Variants in PAX4 observed in about 807,000 individuals in gnomAD.
PAX4 encodes paired box 4, also known as paired box protein Pax-4.
Under a neutral mutation model 40.6 loss-of-function variants are expected in PAX4, and 33 were observed. That is an observed-to-expected ratio of 0.81 (90% CI 0.62 to 1.09). The LOEUF is 1.09. Ranked by LOEUF, PAX4 falls within the 50% of genes least tolerant of loss-of-function variation. The probability of loss-of-function intolerance (pLI) is 0.00; values close to 1 mark genes in which losing one functional copy is unlikely to be tolerated. For missense variants in PAX4, 459 were observed against 442.5 expected (o/e 1.04, Z -0.33); for synonymous variants, 174 against 170.6 (o/e 1.02, Z -0.16).
intron 9 of PAX4, 70 bp downstream of exon 9, chr7:127,612,952 G>C (rs1329549861): frequency 1.6e-5 from 18 of 1,122,296 alleles, no homozygotes; most frequent in African/African-American, 4.6e-5. Context: ...TGGATGGATG[G>C]ATGGATGGAT....
intron 6 of PAX4, 89 bp from the exon 7 acceptor site, chr7:127,613,970 G>T: frequency 6.7e-7 from 1 of 1,490,468 alleles, no homozygotes; most frequent in East Asian, 2.3e-5. Context: ...CTGCAGCCGG[G>T]AGACACCATG....
intron 2 of PAX4, among the ~76,000 whole-genome samples, chr7:127,616,966 T>C (rs751236837): frequency 2.6e-5 from 4 of 152,180 alleles, no homozygotes; most frequent in Non-Finnish European, 4.4e-5. Context: ...CTTTCATGCC[T>C]GGAACCCTGG....
Position 127,616,017 on chromosome 7 carries a change from G to T in PAX4, c.-89C>A, listed in dbSNP as rs181513994. ...CTTCTAGGAGCTCCTTTTCCAGCTT[G>T]GGGGCTGGCTCTGCAATAATGGGGG... On this transcript the variant is annotated 5_prime_UTR_variant, in exon 3 of 12. Coordinates refer to ENST00000639438, the MANE Select transcript of PAX4 (RefSeq NM_001366110.1). 1,851 of 1,450,298 alleles carry T rather than the reference G, an allele frequency of 1.3e-3. 5 individuals are homozygous for T. The highest frequency in any genetic ancestry group is 1.5e-3 in the Non-Finnish European group (1,640 of 1,070,340). The allele number at this position is 1,450,298 out of a possible 1,614,324, so 89.8% of individuals were successfully genotyped here.
rs553243873 is a variant in PAX4 at position 127,618,018 on chromosome 7, C to T, written c.-282G>A. 1.3e-5 allele frequency: 2 copies of T among 152,380 alleles called. No individual in the cohort carries two copies. Among genetic ancestry groups the T allele is most frequent in the Admixed American group, 6.5e-5 (1 of 15,302 alleles). 9.4% of individuals were successfully genotyped at this position (152,380 alleles called of 1,614,324 possible). A position where few individuals can be genotyped will look rare whatever the true frequency, so the allele number is the denominator to read the frequency against. The stretch of plus-strand genomic sequence containing the variant: ...TGGGAGGTCTCAGCTTCTGAGACCC[C>T]TGCAGGCTCCAGGGGTGGTGATGAT... On this transcript the variant is annotated 5_prime_UTR_variant, in exon 1 of 12. Coordinates refer to ENST00000639438, the MANE Select transcript of PAX4 (RefSeq NM_001366110.1).
intron 2 of PAX4, 64 bp from the exon 3 acceptor site, chr7:127,616,091 T>G: frequency 1.3e-6 from 1 of 773,366 alleles, no homozygotes; most frequent in Non-Finnish European, 2.0e-6. Flanking sequence ...GAGGTAGTGT[T>G]TTGTGATAGA....
At position 127,611,545 on chromosome 7, in the gene PAX4, C is replaced by G; in HGVS notation, c.903G>C (p.Lys301Asn). 1 of 1,613,756 alleles carries G rather than the reference C, an allele frequency of 6.2e-7. No homozygotes were observed. The highest frequency in any genetic ancestry group is 8.5e-7 in the Non-Finnish European group (1 of 1,179,850). Reference protein sequence around the residue: ...LSDTPPKACLKPCWGHLPPQP... With the variant: ...LSDTPPKACLNPCWGHLPPQP... ...GGCCTGAATTCTTACCCCAGCAGGG[C>G]TTGAGACAGGCTTTAGGTGGGGTGT... Residue 301 changes from lysine to asparagine, a missense_variant, in exon 11 of 12, where the codon AAG (lysine) becomes AAC (asparagine). Transcript: ENST00000639438.
chr7:127,611,340 C>G, intron 11 of PAX4, 134 bp from the exon 12 acceptor site: 2 of 1,323,898 alleles, frequency 1.5e-6, no homozygotes, highest in Non-Finnish European at 2.1e-6. Context: ...ACATCCTTTA[C>G]CTGCTATGGC....
At position 127,611,575 on chromosome 7, in the gene PAX4, C is replaced by G. The variant is rs1445567946; in HGVS notation, c.873G>C (p.Leu291=). The G allele has an allele frequency of 1.2e-6, 2 of 1,613,646 alleles. No individual in the cohort carries two copies. The highest frequency in any genetic ancestry group is 1.3e-5 in the African/African-American group (1 of 74,860). ...LCWATAPERC[L]SDTPPKACLK... is the part of the protein sequence containing the mutation. ...GACAGGCTTTAGGTGGGGTGTCACT[C>G]AGACACCTTTCTGGTGCTGTTGCCC... is the stretch of plus-strand genomic sequence containing the variant. Residue 291 remains leucine (L), a synonymous_variant, in exon 11 of 12, where the codon CTG becomes CTC. Transcript: ENST00000639438.
In PAX4 at chr7:127,610,525, A is replaced by G. The variant is rs1203357580; in HGVS notation, c.*539T>C. On this transcript the variant is annotated 3_prime_UTR_variant, in exon 12 of 12. Transcript: ENST00000639438. ...GATGCATGCTGGAAGATTTAGGAATAAAATGCCATGATATAATGTCAGTGT... is the reference window on the plus strand; with the variant it reads ...GATGCATGCTGGAAGATTTAGGAATGAAATGCCATGATATAATGTCAGTGT... The G allele has an allele frequency of 9.2e-6, 2 of 217,436 alleles. No individual in the cohort carries two copies. Among genetic ancestry groups the G allele is most frequent in the Non-Finnish European group, 1.8e-5 (2 of 108,776 alleles). The allele number at this position is 217,436 out of a possible 1,614,324, so 13.5% of individuals were successfully genotyped here.
At chr7:127,615,298 A>G (rs1279707226) in intron 4 of PAX4, 103 bp downstream of exon 4, 2 of 1,608,748 alleles carry the variant, frequency 1.2e-6, no homozygotes, top group East Asian at 2.2e-5. Context: ...CCCAAGTCCC[A>G]GAAGCCCTCA....
Position 127,613,060 on chromosome 7 carries a change from C to A in PAX4, c.677G>T (p.Arg226Leu), listed in dbSNP as rs375472849. 21 of 1,613,348 alleles carry A rather than the reference C, an allele frequency of 1.3e-5. No individual in the cohort carries two copies. The highest frequency in any genetic ancestry group is 3.3e-5 in the Admixed American group (2 of 60,010). ...TTCCCACTTGAGCTTCTCTTGCCGA[C>A]GCCATTTGGCTCTTCTGTTGGAAAA... Reference protein sequence around the residue: ...VWFSNRRAKWRRQEKLKWEMQ... With the variant: ...VWFSNRRAKWLRQEKLKWEMQ... The change falls in exon 9 of 12, where the codon CGT (arginine) becomes CTT (leucine). Residue 226 changes from arginine (R) to leucine (L), a missense_variant. Coordinates refer to ENST00000639438, the MANE Select transcript of PAX4 (RefSeq NM_001366110.1).
intron 5 of PAX4, 76 bp downstream of exon 5, chr7:127,614,804 C>A: frequency 1.9e-6 from 3 of 1,552,350 alleles, no homozygotes; most frequent in South Asian, 1.2e-5. Flanking sequence ...GCCCACATTG[C>A]CAAATAAGAA....
chr7:127,615,838 T>G, intron 3 of PAX4, 78 bp downstream of exon 3: 7 of 1,533,830 alleles, frequency 4.6e-6, no homozygotes, highest in Non-Finnish European at 6.1e-6. Flanking sequence ...GATGAAACAG[T>G]TGATGGAAGC....
In PAX4 at chr7:127,610,302, A is replaced by G. The variant is rs1794595189; in HGVS notation, c.*762T>C. The G allele has an allele frequency of 6.4e-6, 1 of 156,488 alleles. No homozygotes were observed. Among genetic ancestry groups the G allele is most frequent in the Non-Finnish European group, 1.4e-5 (1 of 70,676 alleles). The allele number at this position is 156,488 out of a possible 1,614,324, so 9.7% of individuals were successfully genotyped here. On this transcript the variant is annotated 3_prime_UTR_variant, in exon 12 of 12. Transcript: ENST00000639438. ...ATATAAATGGAAAGCAGAATATGAA[A>G]AATGGCATTTCACTCTGTTTGCTGC...
chr7:127,614,385 T>G (rs1360284610), intron 6 of PAX4, 97 bp downstream of exon 6: 3 of 944,094 alleles, frequency 3.2e-6, no homozygotes, highest in Non-Finnish European at 5.0e-6. Context: ...TGGGTTGTTG[T>G]GAGGGTGATC....
At position 127,611,116 on chromosome 7, in the gene PAX4, C is replaced by A; in HGVS notation, c.1004G>T (p.Gly335Val). The change falls in exon 12 of 12, where the codon GGC becomes GTC. Residue 335 changes from glycine to valine, a missense_variant. Transcript: ENST00000639438. ...GCCAGGCCAGAGCAGGGCCTGAGAG[C>A]CACTAAGACTGGCCAGGTGACAGTG... is the stretch of plus-strand genomic sequence containing the variant. ...SSHCHLASLSGSQALLWPGCP... is the reference protein window; with the variant it reads ...SSHCHLASLSVSQALLWPGCP... 6.2e-7 allele frequency: 1 copy of A among 1,607,896 alleles called. No individual in the cohort carries two copies. Among genetic ancestry groups the A allele is most frequent in the Non-Finnish European group, 8.5e-7 (1 of 1,176,800 alleles).
At chr7:127,616,169 A>G in intron 2 of PAX4, 142 bp from the exon 3 acceptor site, 1 of 561,280 alleles carries the variant, frequency 1.8e-6, no homozygotes, top group Non-Finnish European at 3.2e-6. Context: ...TTTTATTTAA[A>G]CCTTTGTGTG....
rs1329698240 is a variant in PAX4, at chr7:127,611,182, G to T, written c.938C>A (p.Ser313Tyr). 1.2e-6 allele frequency: 2 copies of T among 1,603,132 alleles called. No homozygotes were observed. The highest frequency in any genetic ancestry group is 1.7e-6 in the Non-Finnish European group (2 of 1,175,054). The stretch of plus-strand genomic sequence containing the variant: ...AAGGCAAAGCAGTCCTGAGTCCAGG[G>T]AATTCGGCTGTGGGGGCAAGTGGCC... Reference protein sequence around the residue: ...CWGHLPPQPNSLDSGLLCLPC... With the variant: ...CWGHLPPQPNYLDSGLLCLPC... The change falls in exon 12 of 12, where the codon TCC (serine) becomes TAC (tyrosine). Residue 313 changes from serine (S) to tyrosine (Y), a missense_variant. Ser to Tyr is a moderately radical substitution (Grantham distance 144). Transcript: ENST00000639438.
intron 6 of PAX4, 132 bp downstream of exon 6, chr7:127,614,350 A>G: frequency 1.3e-6 from 1 of 774,612 alleles, no homozygotes. Context: ...GGAGAGAATG[A>G]GACTCCCTGC....
Sources: allele counts gnomAD v4.1 joint callset (sites outside exome capture counted in the v4.1 genomes callset), GRCh38; gene constraint gnomAD v4.1.1; transcripts MANE v1.5; gene names NCBI Gene and HGNC (gene_info 2026-07-23, HGNC 2026-07-21).